The following TCF7L1 variants were observed in gnomAD, a reference collection of about 807,000 sequenced individuals.
TCF7L1 encodes transcription factor 7-like 1.
In TCF7L1, 18 loss-of-function variants were observed where a neutral mutation model predicts 63.7. That is an observed-to-expected ratio of 0.28 (90% CI 0.20 to 0.42). The LOEUF (loss-of-function observed/expected upper bound fraction) is 0.42, where lower values mean the gene tolerates loss of function less well. TCF7L1 is among the 10% of genes least tolerant of loss of function. The probability of loss-of-function intolerance (pLI) is 1.00; values close to 1 mark genes in which losing one functional copy is unlikely to be tolerated. For synonymous variants in TCF7L1, 355 were observed against 340.9 expected (o/e 1.04, Z -0.46); for missense variants, 654 against 779.3 (o/e 0.84, Z 1.91).
intron 3 of TCF7L1, among the ~76,000 whole-genome samples, chr2:85,136,681 CTG>C (rs1677602624): frequency 6.6e-6 from 1 of 152,182 alleles, no homozygotes; most frequent in African/African-American, 2.4e-5. Flanking sequence ...TTCTGTGTCT[CTG>C]TGTGCCTTTC....
intron 3 of TCF7L1, among the ~76,000 whole-genome samples, chr2:85,167,645 C>T (rs1043141334): frequency 2.6e-5 from 4 of 152,172 alleles, no homozygotes; most frequent in African/African-American, 9.7e-5. Context: ...AGGAAGATCA[C>T]TTGAGCCCAG....
chr2:85,234,815 T>C (rs1680160062), intron 3 of TCF7L1, among the ~76,000 whole-genome samples: 1 of 152,128 alleles, frequency 6.6e-6, no homozygotes, highest in Non-Finnish European at 1.5e-5. Flanking sequence ...GAGGTCAGCT[T>C]GAGTGTGCAG....
Position 85,134,901 on chromosome 2 carries a change from T to C in TCF7L1, c.441+451T>C, listed in dbSNP as rs1308974872. On this transcript the variant is annotated intron_variant, in intron 3 of 11. Transcript: ENST00000282111. The surrounding 1 kb of genome is among the most constrained non-coding windows in gnomAD (Gnocchi z 5.0). The stretch of plus-strand genomic sequence containing the variant: ...GGCTGGTTCCTAAGAAACCCAGTTT[T>C]CGTGGCGGGTTATTCACAGCCCCCG... 6.6e-6 allele frequency among the ~76,000 whole-genome samples: 1 copy of C among 152,162 alleles called. No homozygotes were observed. The highest frequency in any genetic ancestry group is 2.4e-5 in the African/African-American group (1 of 41,444).
intron 3 of TCF7L1, among the ~76,000 whole-genome samples, chr2:85,223,856 G>T (rs1468316155): frequency 1.3e-5 from 2 of 152,066 alleles, no homozygotes; most frequent in Non-Finnish European, 2.9e-5. Context: ...TGTTACATAG[G>T]TATACATGTG....
intron 3 of TCF7L1, among the ~76,000 whole-genome samples, chr2:85,174,682 G>A (rs957723174): frequency 1.3e-5 from 2 of 152,178 alleles, no homozygotes; most frequent in Non-Finnish European, 2.9e-5. Context: ...GCACCTGAGA[G>A]CCTCCTCATG....
intron 3 of TCF7L1, among the ~76,000 whole-genome samples, chr2:85,168,192 A>AAC (rs55736939): frequency 0.062 from 9,089 of 145,630 alleles, 380 homozygotes; most frequent in African/African-American, 0.12. Flanking sequence ...GTTCTTACCA[A>AAC]ACACACACAC....
chr2:85,245,550 C>A (rs1323674898), intron 3 of TCF7L1, among the ~76,000 whole-genome samples: 1 of 152,146 alleles, frequency 6.6e-6, no homozygotes, highest in Admixed American at 6.5e-5. Flanking sequence ...CGGTGGCTCA[C>A]ATCTGTAATC....
chr2:85,205,968 G>A (rs1385493485), intron 3 of TCF7L1, among the ~76,000 whole-genome samples: 1 of 152,212 alleles, frequency 6.6e-6, no homozygotes, highest in Non-Finnish European at 1.5e-5. Flanking sequence ...CATCCACTTG[G>A]ATGCTTTCTT....
At chr2:85,279,019 C>A (rs6736154) in intron 3 of TCF7L1, among the ~76,000 whole-genome samples, 2 of 152,136 alleles carry the variant, frequency 1.3e-5, no homozygotes, top group Non-Finnish European at 2.9e-5. Context: ...TGGACCAGCC[C>A]GTGTACACAT....
intron 3 of TCF7L1, among the ~76,000 whole-genome samples, chr2:85,190,602 G>A (rs939690783): frequency 1.3e-5 from 2 of 152,142 alleles, no homozygotes; most frequent in South Asian, 2.1e-4. Flanking sequence ...GAACATGGGG[G>A]AATGAAAAGC....
Position 85,307,682 on chromosome 2 carries a change from A to G in TCF7L1, c.1298A>G (p.Gln433Arg). ...KKRKREKQLSQTQSQQQVQEA... is the reference protein window; with the variant it reads ...KKRKREKQLSRTQSQQQVQEA... Reference sequence around the variant, plus strand: ...AGGAAGAGAGAAAAGCAGCTGTCCCAGACACAGTCACAGCAGCAAGTCCAG... The same window carrying G: ...AGGAAGAGAGAAAAGCAGCTGTCCCGGACACAGTCACAGCAGCAAGTCCAG... Residue 433 changes from glutamine to arginine, a missense_variant, in exon 11 of 12, where the codon CAG becomes CGG. By Grantham distance (43) the Gln-to-Arg change is conservative. Coordinates refer to ENST00000282111, the MANE Select transcript of TCF7L1 (RefSeq NM_031283.3). The G allele has an allele frequency of 6.2e-7, 1 of 1,613,866 alleles. No homozygotes were observed. The highest frequency in any genetic ancestry group is 8.5e-7 in the Non-Finnish European group (1 of 1,180,014).
chr2:85,172,589 G>T (rs536906034), intron 3 of TCF7L1, among the ~76,000 whole-genome samples: 1 of 152,242 alleles, frequency 6.6e-6, no homozygotes, highest in Non-Finnish European at 1.5e-5. Flanking sequence ...ACCACGCCTG[G>T]CTAGTTTTGT....
chr2:85,215,558 A>T (rs1679680511), intron 3 of TCF7L1, among the ~76,000 whole-genome samples: 1 of 152,096 alleles, frequency 6.6e-6, no homozygotes, highest in Non-Finnish European at 1.5e-5. Flanking sequence ...CCAACAGTGT[A>T]CCCACGTTGA....
chr2:85,297,110 G>A (rs973803359), intron 4 of TCF7L1, among the ~76,000 whole-genome samples: 3 of 152,216 alleles, frequency 2.0e-5, no homozygotes, highest in Non-Finnish European at 4.4e-5. Flanking sequence ...CCTTAGGGCT[G>A]TCTTTTGCCA....
intron 3 of TCF7L1, among the ~76,000 whole-genome samples, chr2:85,141,111 C>G (rs1677727106): frequency 2.0e-5 from 3 of 152,126 alleles, no homozygotes; most frequent in Admixed American, 2.0e-4. Flanking sequence ...CATTGCAAGA[C>G]CCAATCTCTA....
intron 3 of TCF7L1, among the ~76,000 whole-genome samples, chr2:85,180,909 T>C (rs1678792007): frequency 6.6e-6 from 1 of 152,172 alleles, no homozygotes; most frequent in South Asian, 2.1e-4. Context: ...CCCTGGCAGG[T>C]CTGAAGCACA....
At chr2:85,272,820 C>A (rs1004300363) in intron 3 of TCF7L1, among the ~76,000 whole-genome samples, 2 of 152,134 alleles carry the variant, frequency 1.3e-5, no homozygotes, top group African/African-American at 4.8e-5. Flanking sequence ...GTATATCAAT[C>A]AATCAATCAA....
chr2:85,175,926 C>T (rs182378176), intron 3 of TCF7L1, among the ~76,000 whole-genome samples: 3 of 152,322 alleles, frequency 2.0e-5, no homozygotes, highest in East Asian at 1.9e-4. Context: ...TTCCTGAAGA[C>T]GCATTTATCA....
intron 3 of TCF7L1, among the ~76,000 whole-genome samples, chr2:85,239,207 C>T (rs1047700212): frequency 6.6e-6 from 1 of 152,114 alleles, no homozygotes; most frequent in Non-Finnish European, 1.5e-5. Context: ...CTCACTGGAC[C>T]AGCCCGCCAG....
Sources: allele counts gnomAD v4.1 joint callset (sites outside exome capture counted in the v4.1 genomes callset), GRCh38; gene constraint gnomAD v4.1.1; non-coding constraint Gnocchi (gnomAD v3.1); transcripts MANE v1.5; gene names NCBI Gene and HGNC (gene_info 2026-07-23, HGNC 2026-07-21).